DPYSL5: variants seen among roughly 807,000 people sequenced by gnomAD.
DPYSL5 encodes dihydropyrimidinase like 5, also known as dihydropyrimidinase-related protein 5.
In DPYSL5, 9 loss-of-function variants were observed where a neutral mutation model predicts 58.4. The ratio of observed to expected loss-of-function variants is 0.15; its 90% CI spans 0.09 to 0.27. DPYSL5 has a LOEUF of 0.27. Among genes scored for constraint, DPYSL5 ranks in the 10% least tolerant of loss-of-function variants. DPYSL5 has a pLI of 1.00. For missense variants in DPYSL5, 499 were observed against 770.6 expected (o/e 0.65, Z 4.17); for synonymous variants, 293 against 301.9 (o/e 0.97, Z 0.31).
In DPYSL5 at chr2:26,942,590, A is replaced by G. The variant is rs1665353350; in HGVS notation, c.1280A>G (p.Tyr427Cys). The stretch of plus-strand genomic sequence containing the variant: ...GTCCAGGGAGGAGACTTCAACCTGT[A>G]TGAGAACATGCGCTGCCACGGCGTG... ...TQVQGGDFNL[Y>C]ENMRCHGVPL... Residue 427 changes from tyrosine (Y) to cysteine (C), a missense_variant, in exon 11 of 13, where the codon TAT (tyrosine) becomes TGT (cysteine). By Grantham distance (194) the Tyr-to-Cys change is radical (BLOSUM62 -2). Around this residue, in one of 3 missense-constraint regions of DPYSL5, gnomAD observed 404 missense variants for 647.6 expected, o/e 0.62. Coordinates refer to ENST00000288699, the MANE Select transcript of DPYSL5 (RefSeq NM_020134.4). The surrounding 1 kb of genome is among the most constrained non-coding windows in gnomAD (Gnocchi z 5.9). The G allele has an allele frequency of 6.2e-7, 1 of 1,614,116 alleles. No individual in the cohort carries two copies. Among genetic ancestry groups the G allele is most frequent in the Non-Finnish European group, 8.5e-7 (1 of 1,180,024 alleles).
chr2:26,873,531 G>A (rs1663325567), intron 1 of DPYSL5, among the ~76,000 whole-genome samples: 1 of 152,142 alleles, frequency 6.6e-6, no homozygotes, highest in South Asian at 2.1e-4. Context: ...CAGTGCACTG[G>A]ATAGCTCCCA....
intron 8 of DPYSL5, among the ~76,000 whole-genome samples, chr2:26,937,952 C>T (rs1382935136): frequency 3.3e-5 from 5 of 152,052 alleles, no homozygotes; most frequent in South Asian, 2.1e-4. Context: ...CTGATCCACC[C>T]GCCTCGGCCT....
chr2:26,863,693 G>A (rs760208923), intron 1 of DPYSL5, among the ~76,000 whole-genome samples: 7 of 152,052 alleles, frequency 4.6e-5, no homozygotes, highest in Non-Finnish European at 1.0e-4. Context: ...AACTCCATAC[G>A]CATTAGCAGT....
intron 1 of DPYSL5, among the ~76,000 whole-genome samples, chr2:26,869,312 G>A (rs1663198388): frequency 1.3e-5 from 2 of 152,070 alleles, no homozygotes; most frequent in Non-Finnish European, 2.9e-5. Flanking sequence ...CTGTATTGAG[G>A]TGTAATTTAC....
rs145884951 is a variant in DPYSL5, at chr2:26,921,495, C to G, written c.262-3392C>G. On this transcript the variant is annotated intron_variant, in intron 2 of 12. Transcript: ENST00000288699. The stretch of plus-strand genomic sequence containing the variant: ...ACACAATTGGGCTGTGCCTTGCTGC[C>G]GATTTCTACAAGGCTGTTTTGTGGG... 2.5e-3 allele frequency among the ~76,000 whole-genome samples: 374 copies of G among 151,840 alleles called. 1 individual carries two copies. Among genetic ancestry groups the G allele is most frequent in the African/African-American group, 8.4e-3 (347 of 41,136 alleles).
Position 26,849,307 on chromosome 2 carries a change from C to A in DPYSL5, c.-5+1053C>A, listed in dbSNP as rs1288677448. Among the ~76,000 whole-genome samples the A allele has an allele frequency of 6.7e-6, 1 of 148,394 alleles. No individual in the cohort carries two copies. Among genetic ancestry groups the A allele is most frequent in the Non-Finnish European group, 1.5e-5 (1 of 66,930 alleles). On this transcript the variant is annotated intron_variant, in intron 1 of 12. Coordinates refer to ENST00000288699, the MANE Select transcript of DPYSL5 (RefSeq NM_020134.4). This position sits in a 1 kb window ranked among gnomAD's most constrained non-coding sequence, Gnocchi z 6.2. ...GAGCGAGGAGAAGACCCGCGCTGTG[C>A]GGGGGAGGGGGGCCTCCTGGGAAGG...
At chr2:26,889,560 G>A (rs1282810662) in intron 1 of DPYSL5, among the ~76,000 whole-genome samples, 1 of 151,946 alleles carries the variant, frequency 6.6e-6, no homozygotes, top group African/African-American at 2.4e-5. Context: ...GTGAGCCACC[G>A]CGCCCGGCCT....
chr2:26,921,991 G>A (rs1664717633), intron 2 of DPYSL5, among the ~76,000 whole-genome samples: 1 of 152,038 alleles, frequency 6.6e-6, no homozygotes, highest in African/African-American at 2.4e-5. Context: ...AGGCAAAAGG[G>A]GCCTCTTCCC....
At chr2:26,929,659 G>A (rs1310755664) in intron 5 of DPYSL5, among the ~76,000 whole-genome samples, 1 of 152,230 alleles carries the variant, frequency 6.6e-6, no homozygotes. Flanking sequence ...AATGGTTGGG[G>A]ACTGCCGCTT....
At position 26,944,947 on chromosome 2, in the gene DPYSL5, G is replaced by A. The variant is rs1665429550; in HGVS notation, c.1609+123G>A. The A allele has an allele frequency of 3.2e-6, 3 of 949,062 alleles. No individual in the cohort carries two copies. The highest frequency in any genetic ancestry group is 2.5e-5 in the Admixed American group (1 of 40,432). 58.8% of individuals were successfully genotyped at this position (949,062 alleles called of 1,614,324 possible). A position where few individuals can be genotyped will look rare whatever the true frequency, so the allele number is the denominator to read the frequency against. ...CTCCCTCCCGTTGCCTATTTCCAGG[G>A]ATGAGTGCTGGTTTGGATATTAGAC... On this transcript the variant is annotated intron_variant, in intron 12 of 12. Transcript: ENST00000288699. The surrounding 1 kb of genome is among the most constrained non-coding windows in gnomAD (Gnocchi z 4.4).
chr2:26,867,610 T>C (rs1028317327), intron 1 of DPYSL5, among the ~76,000 whole-genome samples: 1 of 151,484 alleles, frequency 6.6e-6, no homozygotes, highest in Non-Finnish European at 1.5e-5. Context: ...CGCCCGCCAC[T>C]ACGCCCGGCT....
intron 2 of DPYSL5, among the ~76,000 whole-genome samples, chr2:26,902,097 C>T (rs1000467939): frequency 3.9e-5 from 6 of 152,048 alleles, no homozygotes; most frequent in African/African-American, 4.8e-5. Flanking sequence ...GGTTTCCAGA[C>T]GGTGCCAGGA....
At chr2:26,932,049 G>A (rs1321707439) in intron 6 of DPYSL5, among the ~76,000 whole-genome samples, 3 of 5,318 alleles carry the variant, frequency 5.6e-4, no homozygotes, top group African/African-American at 4.1e-3. Context: ...AGAAAGAAAG[G>A]AAAGAAAGAA....
At chr2:26,881,284 A>T (rs1214005285) in intron 1 of DPYSL5, among the ~76,000 whole-genome samples, 1 of 152,130 alleles carries the variant, frequency 6.6e-6, no homozygotes, top group Non-Finnish European at 1.5e-5. Flanking sequence ...TAGTGGTATC[A>T]CTGCCCCAGA....
chr2:26,928,366 A>G lies in DPYSL5; in HGVS notation c.669+43A>G, dbSNP rs749020142. The G allele has an allele frequency of 2.0e-5, 32 of 1,598,466 alleles. No homozygotes were observed. In the Admixed American group the frequency reaches 5.4e-4, roughly 27 times the overall value. ...TAGCCTTTGTCAGCGTCTCTCATGT[A>G]GATTGACAGAATCTTCCAGGATGGA... On this transcript the variant is annotated intron_variant, in intron 5 of 12. Transcript: ENST00000288699.
intron 2 of DPYSL5, among the ~76,000 whole-genome samples, chr2:26,923,476 T>C (rs2148156959): frequency 6.6e-6 from 1 of 152,300 alleles, no homozygotes; most frequent in African/African-American, 2.4e-5. Context: ...GTAAAGACTT[T>C]GCATCCAGAG....
chr2:26,850,955 T>C (rs1665735373), intron 1 of DPYSL5, among the ~76,000 whole-genome samples: 1 of 150,602 alleles, frequency 6.6e-6, no homozygotes, highest in Non-Finnish European at 1.5e-5. Context: ...ATTATATATA[T>C]GTATATATTA....
At chr2:26,912,959 G>A (rs1243525051) in intron 2 of DPYSL5, among the ~76,000 whole-genome samples, 1 of 152,222 alleles carries the variant, frequency 6.6e-6, no homozygotes, top group Non-Finnish European at 1.5e-5. Context: ...CCAGCATTGT[G>A]TAAAGGAAAT....
chr2:26,850,942 T>G (rs956479098), intron 1 of DPYSL5, among the ~76,000 whole-genome samples: 1 of 151,732 alleles, frequency 6.6e-6, no homozygotes, highest in Non-Finnish European at 1.5e-5. Context: ...ATATTTTAAC[T>G]GAATTATATA....
Sources: allele counts gnomAD v4.1 joint callset (sites outside exome capture counted in the v4.1 genomes callset), GRCh38; gene constraint gnomAD v4.1.1; regional missense constraint gnomAD v4.1.1; non-coding constraint Gnocchi (gnomAD v3.1); transcripts MANE v1.5; gene names NCBI Gene and HGNC (gene_info 2026-07-23, HGNC 2026-07-21).